IFT88: variants seen among roughly 807,000 people sequenced by gnomAD.
The protein encoded by IFT88 is intraflagellar transport 88.
A neutral mutation model predicts 119.5 loss-of-function variants in IFT88; 74 were observed. The observed-to-expected ratio is 0.62, with a 90% confidence interval of 0.51 to 0.75. The LOEUF (loss-of-function observed/expected upper bound fraction) is 0.75. Ranked by LOEUF, IFT88 falls within the 30% of genes least tolerant of loss-of-function variation. The probability of loss-of-function intolerance (pLI) is 0.00; values close to 1 mark genes in which losing one functional copy is unlikely to be tolerated. For missense variants in IFT88, 961 were observed against 977.7 expected (o/e 0.98, Z 0.23); for synonymous variants, 279 against 316.7 (o/e 0.88, Z 1.26).
At chr13:20,578,358 CTTTTTTT>C (rs1158499742) in intron 2 of IFT88, among the ~76,000 whole-genome samples, 1 of 78,748 alleles carries the variant, frequency 1.3e-5, no homozygotes, top group South Asian at 4.1e-4. Flanking sequence ...AGTCTTGTTA[CTTTTTTT>C]TTTTTTTTTT....
rs538922747 is a variant in IFT88 at position 20,601,929 on chromosome 13, C to T, written c.1037C>T (p.Pro346Leu). 1.7e-5 allele frequency: 26 copies of T among 1,521,954 alleles called. No homozygotes were observed. In the South Asian group the frequency reaches 2.9e-4, roughly 17 times the overall value. 94.3% of individuals were successfully genotyped at this position (1,521,954 alleles called of 1,614,324 possible). The change falls in exon 12 of 26, where the codon CCA becomes CTA. Residue 346 changes from proline (P) to leucine (L), a missense_variant. Pro to Leu is a moderately conservative substitution (Grantham distance 98, BLOSUM62 -3). Coordinates refer to ENST00000351808, the MANE Select transcript of IFT88 (RefSeq NM_006531.5). ...LEIDEDKYIS[P>L]SDDPHTNLVT... ...ATTGATGAAGATAAATATATTTCAC[C>T]AAGTGTGAGTATGAAAAAGACATTT...
intron 20 of IFT88, among the ~76,000 whole-genome samples, chr13:20,652,757 A>G (rs1041380419): frequency 6.6e-6 from 1 of 152,256 alleles, no homozygotes; most frequent in Non-Finnish European, 1.5e-5. Flanking sequence ...TAATAATACC[A>G]CATGGTAAAT....
At chr13:20,648,255 G>A (rs922746787) in intron 20 of IFT88, among the ~76,000 whole-genome samples, 20 of 152,162 alleles carry the variant, frequency 1.3e-4, no homozygotes, top group Non-Finnish European at 2.6e-4. Context: ...AATTAGCTGG[G>A]TGTGGTGGCA....
chr13:20,611,079 G>A (rs2044415127), intron 13 of IFT88, among the ~76,000 whole-genome samples: 1 of 148,958 alleles, frequency 6.7e-6, no homozygotes, highest in Non-Finnish European at 1.5e-5. Context: ...GTGACAGAGT[G>A]AGACCCCATC....
chr13:20,591,729 T>G (rs1171742234), intron 6 of IFT88, 48 bp downstream of exon 6: 2 of 1,221,796 alleles, frequency 1.6e-6, no homozygotes, highest in East Asian at 2.4e-5. Flanking sequence ...TCTTTTAATC[T>G]TTTATCATTT....
chr13:20,645,683 C>T (rs1383544637), intron 20 of IFT88, among the ~76,000 whole-genome samples: 1 of 151,912 alleles, frequency 6.6e-6, no homozygotes, highest in African/African-American at 2.4e-5. Context: ...TCTTTAAGTT[C>T]GTATCAGAAT....
chr13:20,627,017 G>A lies in IFT88; in HGVS notation c.1299+1168G>A, dbSNP rs2047447082. On this transcript the variant is annotated intron_variant, in intron 15 of 25. Coordinates refer to ENST00000351808, the MANE Select transcript of IFT88 (RefSeq NM_006531.5). ...AACAGAAAGGACTAACAAAGGAAGTGGGGAGAACATTATCTACTAAAGAAT... is the reference window on the plus strand; with the variant it reads ...AACAGAAAGGACTAACAAAGGAAGTAGGGAGAACATTATCTACTAAAGAAT... Among the ~76,000 whole-genome samples the A allele has an allele frequency of 2.0e-5, 3 of 152,132 alleles. No homozygotes were observed. The South Asian group carries it at 6.2e-4, about 32-fold the overall frequency.
intron 4 of IFT88, among the ~76,000 whole-genome samples, 165 bp from the exon 5 acceptor site, chr13:20,590,802 C>T (rs2040539367): frequency 6.6e-6 from 1 of 152,140 alleles, no homozygotes; most frequent in African/African-American, 2.4e-5. Flanking sequence ...TTGCTGCTCC[C>T]TGTTTTATAG....
At chr13:20,578,143 C>T (rs1267470307) in intron 2 of IFT88, among the ~76,000 whole-genome samples, 4 of 146,324 alleles carry the variant, frequency 2.7e-5, no homozygotes, top group African/African-American at 1.0e-4. Context: ...CTCCCAGGTT[C>T]ACGCCATCCT....
At chr13:20,680,767 A>G (rs1272056240) in intron 24 of IFT88, among the ~76,000 whole-genome samples, 1 of 151,816 alleles carries the variant, frequency 6.6e-6, no homozygotes, top group Non-Finnish European at 1.5e-5. Context: ...GTTTTCAGGT[A>G]TCTTGATGGT....
chr13:20,599,139 T>C (rs1342182061), intron 10 of IFT88, among the ~76,000 whole-genome samples: 2 of 152,050 alleles, frequency 1.3e-5, no homozygotes, highest in South Asian at 2.1e-4. Flanking sequence ...TTAAAATGTA[T>C]GTGGCATTCT....
intron 22 of IFT88, chr13:20,663,233 C>T: frequency 7.1e-7 from 1 of 1,406,668 alleles, no homozygotes; most frequent in Non-Finnish European, 9.3e-7. Context: ...AGTTCTCTGC[C>T]AGCAGTGTCC....
chr13:20,581,870 A>T (rs2038743899), intron 2 of IFT88, among the ~76,000 whole-genome samples: 1 of 147,240 alleles, frequency 6.8e-6, no homozygotes. Context: ...AAAAAAAAAA[A>T]GATAATTTAA....
intron 20 of IFT88, among the ~76,000 whole-genome samples, chr13:20,652,110 G>A (rs1247790705): frequency 6.6e-6 from 1 of 152,296 alleles, no homozygotes; most frequent in Non-Finnish European, 1.5e-5. Context: ...GAGTGTTTCT[G>A]TTTGGTGTCA....
chr13:20,623,468 T>G (rs2046840985), intron 14 of IFT88, among the ~76,000 whole-genome samples: 1 of 152,128 alleles, frequency 6.6e-6, no homozygotes, highest in African/African-American at 2.4e-5. Context: ...TTCCATTTAT[T>G]GATGTTTTTG....
chr13:20,576,865 A>G (rs1379157682), intron 2 of IFT88, among the ~76,000 whole-genome samples: 1 of 152,096 alleles, frequency 6.6e-6, no homozygotes. Flanking sequence ...GTAGTTCTAT[A>G]TAGACTTTAG....
chr13:20,625,905 TA>T (rs1324588942), intron 15 of IFT88, 56 bp downstream of exon 15: 1 of 777,248 alleles, frequency 1.3e-6, no homozygotes, highest in East Asian at 2.7e-5. Context: ...GTCAAAGCAT[TA>T]AAAACAGGTA....
intron 24 of IFT88, among the ~76,000 whole-genome samples, chr13:20,672,376 T>C (rs1219942753): frequency 6.6e-6 from 1 of 152,130 alleles, no homozygotes; most frequent in Non-Finnish European, 1.5e-5. Flanking sequence ...AAAAGCAGCA[T>C]TGAGCCCAAG....
Position 20,691,084 on chromosome 13 carries a change from A to G in IFT88, c.2384A>G (p.Gln795Arg). The change falls in exon 26 of 26, where the codon CAA becomes CGA. Residue 795 changes from glutamine (Q) to arginine (R), a missense_variant. Physicochemically the swap from Gln to Arg is conservative, Grantham distance 43 (BLOSUM62 1). Coordinates refer to ENST00000351808, the MANE Select transcript of IFT88 (RefSeq NM_006531.5). The part of the protein sequence containing the change: ...DASYVDPLGP[Q>R]IERPKTAAKK... ...TCCTATGTGGACCCACTTGGCCCTC[A>G]AATAGAACGACCAAAAACTGCAGCC... is the stretch of plus-strand genomic sequence containing the variant. 6.2e-7 allele frequency: 1 copy of G among 1,614,078 alleles called. No individual in the cohort carries two copies. Among genetic ancestry groups the G allele is most frequent in the Non-Finnish European group, 8.5e-7 (1 of 1,179,946 alleles).
Sources: allele counts gnomAD v4.1 joint callset (sites outside exome capture counted in the v4.1 genomes callset), GRCh38; gene constraint gnomAD v4.1.1; transcripts MANE v1.5; gene names NCBI Gene and HGNC (gene_info 2026-07-23, HGNC 2026-07-21).